Variants in PRKCQ observed in about 807,000 individuals in gnomAD.
The protein encoded by PRKCQ is protein kinase C theta.
Under a neutral mutation model 91.2 loss-of-function variants are expected in PRKCQ, and 41 were observed. That is an observed-to-expected ratio of 0.45 (90% CI 0.35 to 0.58). PRKCQ has a LOEUF of 0.58. PRKCQ is among the 20% of genes least tolerant of loss of function. PRKCQ has a pLI of 0.00. For missense variants in PRKCQ, 673 were observed against 896.5 expected (o/e 0.75, Z 3.18); for synonymous variants, 307 against 316.9 (o/e 0.97, Z 0.33).
chr10:6,404,243 G>T, the PRKCQ span, among the ~76,000 whole-genome samples: 1 of 37,122 alleles, frequency 2.7e-5, no homozygotes. Context: ...GAGAAAGGGA[G>T]AGAAGGGGGG....
chr10:6,578,678 C>A (rs1016632223), intron 1 of PRKCQ, among the ~76,000 whole-genome samples: 32 of 152,218 alleles, frequency 2.1e-4, no homozygotes, highest in African/African-American at 7.5e-4. Flanking sequence ...GCGGTAAGCA[C>A]CTGCATCAAA....
intron 7 of PRKCQ, 23 bp from the exon 8 acceptor site, chr10:6,491,835 A>T (rs1837322127): frequency 6.2e-7 from 1 of 1,614,018 alleles, no homozygotes; most frequent in Admixed American, 1.7e-5. Flanking sequence ...CAGAAGGTGA[A>T]ATCTGTGTAT....
chr10:6,394,767 C>CACAGG, the PRKCQ span, among the ~76,000 whole-genome samples: 2 of 152,206 alleles, frequency 1.3e-5, no homozygotes, highest in African/African-American at 4.8e-5. Context: ...GAAGCAGGGC[C>CACAGG]ATTTTATAAT....
the PRKCQ span, among the ~76,000 whole-genome samples, chr10:6,414,148 CAG>C: frequency 6.6e-6 from 1 of 152,172 alleles, no homozygotes; most frequent in Non-Finnish European, 1.5e-5. Flanking sequence ...GTAGGTAGAA[CAG>C]AGAGTCCAGA....
At position 6,428,151 on chromosome 10, in the gene PRKCQ, T is replaced by A; in HGVS notation, c.*56A>T. Reference sequence around the variant, plus strand: ...GAAAAAGGAACCCAAGCAGTGTCTCTTGAACCAGTTCCCAGGGAGAAGGCA... The same window carrying A: ...GAAAAAGGAACCCAAGCAGTGTCTCATGAACCAGTTCCCAGGGAGAAGGCA... On this transcript the variant is annotated 3_prime_UTR_variant, in exon 18 of 18. Transcript: ENST00000263125. The A allele has an allele frequency of 6.2e-7, 1 of 1,607,450 alleles. No individual in the cohort carries two copies. Among genetic ancestry groups the A allele is most frequent in the South Asian group, 1.1e-5 (1 of 90,688 alleles).
chr10:6,422,973 G>T (rs544200911), downstream of PRKCQ, among the ~76,000 whole-genome samples: 1 of 152,270 alleles, frequency 6.6e-6, no homozygotes, highest in African/African-American at 2.4e-5. Flanking sequence ...AACAAACTTG[G>T]GTGGCGCCTA....
At chr10:6,571,107 A>G (rs181482680) in intron 1 of PRKCQ, among the ~76,000 whole-genome samples, 22 of 152,196 alleles carry the variant, frequency 1.4e-4, no homozygotes, top group African/African-American at 5.1e-4. Flanking sequence ...TGGGGAAGAC[A>G]GAGATCCTAG....
intron 1 of PRKCQ, among the ~76,000 whole-genome samples, chr10:6,574,606 G>A (rs1002090008): frequency 3.9e-5 from 6 of 152,120 alleles, no homozygotes; most frequent in Admixed American, 2.0e-4. Context: ...CTCCTTTCTC[G>A]CAGCATCACT....
At chr10:6,534,176 A>T (rs1839492075) in intron 1 of PRKCQ, among the ~76,000 whole-genome samples, 1 of 152,236 alleles carries the variant, frequency 6.6e-6, no homozygotes, top group South Asian at 2.1e-4. Flanking sequence ...AAGTAAAGTT[A>T]TCAAGGGCCA....
intron 1 of PRKCQ, among the ~76,000 whole-genome samples, chr10:6,515,700 A>G (rs1838724570): frequency 6.6e-6 from 1 of 152,246 alleles, no homozygotes; most frequent in Admixed American, 6.5e-5. Flanking sequence ...AGTTACACAC[A>G]CACACACTCT....
At chr10:6,496,630 T>C (rs1312096703) in intron 7 of PRKCQ, among the ~76,000 whole-genome samples, 1 of 152,172 alleles carries the variant, frequency 6.6e-6, no homozygotes, top group African/African-American at 2.4e-5. Flanking sequence ...TCTTCCTGTA[T>C]ATAATTTGTG....
chr10:6,475,744 C>A (rs1836234046), intron 12 of PRKCQ, among the ~76,000 whole-genome samples: 1 of 152,222 alleles, frequency 6.6e-6, no homozygotes, highest in Admixed American at 6.5e-5. Flanking sequence ...TCAATCGTTG[C>A]CTTTTGCATT....
chr10:6,423,665 G>C (rs1027706060), downstream of PRKCQ, among the ~76,000 whole-genome samples: 1 of 152,160 alleles, frequency 6.6e-6, no homozygotes, highest in African/African-American at 2.4e-5. Context: ...ACACTGCGGT[G>C]GCAGGACGAC....
At chr10:6,519,932 C>T (rs953085371) in intron 1 of PRKCQ, among the ~76,000 whole-genome samples, 5 of 152,160 alleles carry the variant, frequency 3.3e-5, no homozygotes, top group East Asian at 3.8e-4. Context: ...CTTCCATACA[C>T]GCCAAAGACT....
At chr10:6,446,911 C>A (rs976810207) in intron 15 of PRKCQ, among the ~76,000 whole-genome samples, 3 of 152,218 alleles carry the variant, frequency 2.0e-5, no homozygotes, top group Non-Finnish European at 4.4e-5. Context: ...TCTCCTTCAG[C>A]CTCAGAAGCT....
At chr10:6,402,912 A>C in the PRKCQ span, among the ~76,000 whole-genome samples, 44 of 152,300 alleles carry the variant, frequency 2.9e-4, no homozygotes, top group East Asian at 7.9e-3. Context: ...TCTGTCTCAA[A>C]ACCAAATAGA....
the PRKCQ span, among the ~76,000 whole-genome samples, chr10:6,414,870 T>C: frequency 0.017 from 2,547 of 151,730 alleles, 50 homozygotes; most frequent in Middle Eastern, 0.051. Flanking sequence ...ATATATGCAA[T>C]TGGAGACCCA....
At chr10:6,563,376 AG>A (rs1356315456) in intron 1 of PRKCQ, among the ~76,000 whole-genome samples, 7 of 151,868 alleles carry the variant, frequency 4.6e-5, no homozygotes, top group Non-Finnish European at 5.9e-5. Context: ...TTCTGAGTCC[AG>A]GTCAGGGCTC....
chr10:6,418,130 C>A, the PRKCQ span, among the ~76,000 whole-genome samples: 2 of 152,210 alleles, frequency 1.3e-5, no homozygotes, highest in Admixed American at 1.3e-4. Context: ...ATAACAACAT[C>A]CTTGATTTAA....
Sources: gnomAD v4.1 joint callset for allele counts (sites outside exome capture counted in the v4.1 genomes callset) on GRCh38, gnomAD v4.1.1 for gene constraint, MANE v1.5 for transcripts, NCBI Gene and HGNC (gene_info 2026-07-23, HGNC 2026-07-21) for gene names.